VWA3B: variants seen among roughly 807,000 people sequenced by gnomAD.
VWA3B encodes von Willebrand factor A domain containing 3B.
VWA3B carries 138 observed loss-of-function variants against 158.3 expected under a neutral mutation model. That is an observed-to-expected ratio of 0.87 (90% CI 0.76 to 1.00). VWA3B has a LOEUF of 1.00. VWA3B is among the 50% of genes least tolerant of loss of function. VWA3B has a pLI of 0.00. For missense variants in VWA3B, 1,555 were observed against 1,565.1 expected (o/e 0.99, Z 0.11); for synonymous variants, 596 against 587.3 (o/e 1.01, Z -0.21).
intron 7 of VWA3B, among the ~76,000 whole-genome samples, chr2:98,150,367 A>G (rs1472462932): frequency 1.3e-5 from 2 of 152,192 alleles, no homozygotes; most frequent in Non-Finnish European, 2.9e-5. Flanking sequence ...TAGGTGGTGC[A>G]TTAGGTAGTG....
intron 7 of VWA3B, among the ~76,000 whole-genome samples, chr2:98,138,739 T>C (rs1676483414): frequency 6.6e-6 from 1 of 152,144 alleles, no homozygotes; most frequent in Non-Finnish European, 1.5e-5. Flanking sequence ...GGCTGGGTGG[T>C]CAGAATCCCA....
intron 22 of VWA3B, among the ~76,000 whole-genome samples, chr2:98,272,059 C>A (rs759936152): frequency 1.3e-5 from 2 of 152,222 alleles, no homozygotes; most frequent in South Asian, 4.1e-4. Flanking sequence ...ACATACCAAG[C>A]GGCAGACACC....
At chr2:98,150,014 G>T (rs370242844) in intron 7 of VWA3B, among the ~76,000 whole-genome samples, 2 of 151,950 alleles carry the variant, frequency 1.3e-5, no homozygotes, top group Non-Finnish European at 2.9e-5. Context: ...AAATTGTAAG[G>T]GTGTCTGCAA....
intron 7 of VWA3B, among the ~76,000 whole-genome samples, chr2:98,136,191 G>A (rs1489531652): frequency 1.3e-5 from 2 of 152,092 alleles, no homozygotes; most frequent in African/African-American, 4.8e-5. Flanking sequence ...AAAAAACTCT[G>A]CAGTTAAGAT....
At position 98,228,311 on chromosome 2, in the gene VWA3B, C is replaced by A. The variant is rs762081586; in HGVS notation, c.2129C>A (p.Ala710Glu). 2 of 1,613,690 alleles carry A rather than the reference C, an allele frequency of 1.2e-6. No homozygotes were observed. The highest frequency in any genetic ancestry group is 1.7e-5 in the Admixed American group (1 of 59,968). The change falls in exon 15 of 28, where the codon GCA becomes GAA. Residue 710 changes from alanine (A) to glutamate (E), a missense_variant. Physicochemically the swap from Ala to Glu is moderately radical, Grantham distance 107 (BLOSUM62 -1). Transcript: ENST00000477737. ...TTGATCATGGACTGGTGGTACAATG[C>A]AGAAAAGGATGGAGACAGCAAGTGA... is the stretch of plus-strand genomic sequence containing the variant. ...ESLIMDWWYN[A>E]EKDGDSKHQK... is the part of the protein sequence containing the mutation.
intron 21 of VWA3B, among the ~76,000 whole-genome samples, chr2:98,266,366 C>T (rs1300400726): frequency 4.7e-5 from 7 of 150,390 alleles, no homozygotes; most frequent in South Asian, 4.2e-4. Flanking sequence ...AGATATGTGG[C>T]GTTATTTCTG....
At chr2:98,175,135 A>C (rs1236742676) in intron 8 of VWA3B, among the ~76,000 whole-genome samples, 1 of 152,244 alleles carries the variant, frequency 6.6e-6, no homozygotes, top group Non-Finnish European at 1.5e-5. Flanking sequence ...AAAGAAATAA[A>C]GTATGGACCA....
chr2:98,263,915 C>T (rs1033143177), intron 21 of VWA3B, among the ~76,000 whole-genome samples: 5 of 151,936 alleles, frequency 3.3e-5, no homozygotes, highest in African/African-American at 1.2e-4. Flanking sequence ...GATCTCCTTA[C>T]TAGTTATAGA....
At chr2:98,102,185 TG>T (rs1401361550) in intron 2 of VWA3B, among the ~76,000 whole-genome samples, 1 of 152,174 alleles carries the variant, frequency 6.6e-6, no homozygotes, top group Non-Finnish European at 1.5e-5. Flanking sequence ...AGCACGGGGT[TG>T]GGGGTAAGGT....
the VWA3B span, among the ~76,000 whole-genome samples, chr2:98,319,416 G>A: frequency 6.6e-6 from 1 of 152,148 alleles, no homozygotes; most frequent in African/African-American, 2.4e-5. Flanking sequence ...CAGACAAAGG[G>A]CTGGAGTCTG....
In VWA3B at chr2:98,236,689, C is replaced by T. The variant is rs1280886704; in HGVS notation, c.2632C>T (p.Pro878Ser). The change falls in exon 19 of 28, where the codon CCC (proline) becomes TCC (serine). Residue 878 changes from proline to serine, a missense_variant. Coordinates refer to ENST00000477737, the MANE Select transcript of VWA3B (RefSeq NM_144992.5). ...AGTCCCGCACAGCTCCACCTATGTT[C>T]CCGTCCTGGACAAGCATGTCGTGTC... ...AAVPHSSTYVPVLDKHVVSKV... is the reference protein window; with the variant it reads ...AAVPHSSTYVSVLDKHVVSKV... 1.2e-6 allele frequency: 2 copies of T among 1,614,090 alleles called. No homozygotes were observed. Among genetic ancestry groups the T allele is most frequent in the South Asian group, 1.1e-5 (1 of 91,078 alleles).
At chr2:98,280,456 TCTC>T (rs1158939459) in intron 22 of VWA3B, among the ~76,000 whole-genome samples, 5 of 152,244 alleles carry the variant, frequency 3.3e-5, no homozygotes, top group African/African-American at 1.2e-4. Flanking sequence ...GATTAACTGT[TCTC>T]CACACCCCGG....
At chr2:98,170,934 T>G (rs1052687747) in intron 8 of VWA3B, among the ~76,000 whole-genome samples, 3 of 152,160 alleles carry the variant, frequency 2.0e-5, no homozygotes, top group Non-Finnish European at 4.4e-5. Flanking sequence ...CTCTGCCCAC[T>G]CCTGTTGTGT....
At chr2:98,122,785 C>T (rs1675066377) in intron 5 of VWA3B, among the ~76,000 whole-genome samples, 1 of 152,218 alleles carries the variant, frequency 6.6e-6, no homozygotes, top group South Asian at 2.1e-4. Context: ...TCGTGCCTCT[C>T]CTTTCTCCGG....
At chr2:98,192,780 T>G in intron 10 of VWA3B, 118 bp from the exon 11 acceptor site, 2 of 1,387,628 alleles carry the variant, frequency 1.4e-6, no homozygotes, top group Non-Finnish European at 2.0e-6. Context: ...CACAGAAGAT[T>G]GGGTATAAAC....
At chr2:98,093,436 G>GC (rs1682495797) in intron 2 of VWA3B, 148 bp downstream of exon 2, 1 of 685,612 alleles carries the variant, frequency 1.5e-6, no homozygotes, top group Non-Finnish European at 2.4e-6. Flanking sequence ...TTGCACGTGT[G>GC]CCCCCAATAT....
chr2:98,144,601 C>A (rs949768613), intron 7 of VWA3B, among the ~76,000 whole-genome samples: 1 of 149,706 alleles, frequency 6.7e-6, no homozygotes, highest in African/African-American at 2.5e-5. Context: ...GAGTCTTGCT[C>A]TGTGGCCCAG....
chr2:98,216,965 T>G, intron 13 of VWA3B: 1 of 1,273,352 alleles, frequency 7.9e-7, no homozygotes, highest in East Asian at 5.8e-5. Context: ...GAGACTGTCA[T>G]GTGTATCATT....
intron 22 of VWA3B, among the ~76,000 whole-genome samples, chr2:98,280,173 A>G (rs1484655642): frequency 6.6e-6 from 1 of 152,132 alleles, no homozygotes; most frequent in Non-Finnish European, 1.5e-5. Flanking sequence ...CACACTTCAA[A>G]TTTTTCTCTC....
Sources: gnomAD v4.1 joint callset for allele counts (sites outside exome capture counted in the v4.1 genomes callset) on GRCh38, gnomAD v4.1.1 for gene constraint, MANE v1.5 for transcripts, NCBI Gene and HGNC (gene_info 2026-07-23, HGNC 2026-07-21) for gene names.